Variants in EXOC6B observed in about 807,000 individuals in gnomAD.
The protein encoded by EXOC6B is SEC15 homolog B.
Under a neutral mutation model 113.5 loss-of-function variants are expected in EXOC6B, and 54 were observed. That is an observed-to-expected ratio of 0.48 (90% confidence interval 0.38 to 0.60). The LOEUF is 0.60. Among genes scored for constraint, EXOC6B ranks in the 20% least tolerant of loss-of-function variants. The pLI is 0.00. For synonymous variants in EXOC6B, 357 were observed against 339.0 expected (o/e 1.05, Z -0.58); for missense variants, 797 against 977.5 (o/e 0.82, Z 2.46).
intron 20 of EXOC6B, among the ~76,000 whole-genome samples, chr2:72,312,142 C>T (rs1335431881): frequency 1.3e-5 from 2 of 152,162 alleles, no homozygotes; most frequent in Admixed American, 1.3e-4. Context: ...ACATCTTGCT[C>T]CAGGCAATGG....
At chr2:72,436,580 G>A (rs1695885303) in intron 18 of EXOC6B, among the ~76,000 whole-genome samples, 1 of 151,828 alleles carries the variant, frequency 6.6e-6, no homozygotes, top group Non-Finnish European at 1.5e-5. Flanking sequence ...TGTATTTCTT[G>A]GAGACTTTGT....
At position 72,177,645 on chromosome 2, in the gene EXOC6B, G is replaced by A. The variant is rs576777121; in HGVS notation, c.*1690C>T. The A allele has an allele frequency of 1.3e-4, 20 of 152,248 alleles. No homozygotes were observed. Among genetic ancestry groups the A allele is most frequent in the African/African-American group, 4.6e-4 (19 of 41,536 alleles). The allele number at this position is 152,248 out of a possible 1,614,324, so 9.4% of individuals were successfully genotyped here. On this transcript the variant is annotated 3_prime_UTR_variant, in exon 22 of 22. Transcript: ENST00000272427. The stretch of plus-strand genomic sequence containing the variant: ...GGTCTCTCCAGCTTTGAGGAAATTT[G>A]TATGTCTGTGTGCACATCCTCTTCC...
chr2:72,278,237 G>A (rs946488316), intron 20 of EXOC6B, among the ~76,000 whole-genome samples: 1 of 152,128 alleles, frequency 6.6e-6, no homozygotes, highest in African/African-American at 2.4e-5. Flanking sequence ...GGGATCATAT[G>A]AGACTAGTCA....
At chr2:72,708,982 G>T (rs1217769082) in intron 6 of EXOC6B, among the ~76,000 whole-genome samples, 1 of 123,436 alleles carries the variant, frequency 8.1e-6, no homozygotes, top group Non-Finnish European at 1.6e-5. Context: ...GGCCTCAAGT[G>T]ATCTTCCCAC....
At chr2:72,643,235 C>A (rs1673405272) in intron 6 of EXOC6B, among the ~76,000 whole-genome samples, 1 of 151,746 alleles carries the variant, frequency 6.6e-6, no homozygotes, top group African/African-American at 2.4e-5. Flanking sequence ...ACTGGAAATA[C>A]CATTTGACCC....
At chr2:72,639,710 C>T (rs901548376) in intron 6 of EXOC6B, among the ~76,000 whole-genome samples, 1 of 152,202 alleles carries the variant, frequency 6.6e-6, no homozygotes, top group Non-Finnish European at 1.5e-5. Flanking sequence ...GAGCCCAATA[C>T]AAGTCCCCCA....
At chr2:72,284,392 G>T (rs1302121953) in intron 20 of EXOC6B, among the ~76,000 whole-genome samples, 1 of 151,870 alleles carries the variant, frequency 6.6e-6, no homozygotes, top group African/African-American at 2.4e-5. Context: ...CATATCAACA[G>T]ATACAGAAAA....
intron 2 of EXOC6B, among the ~76,000 whole-genome samples, chr2:72,736,790 C>A (rs1353176985): frequency 6.6e-6 from 1 of 152,110 alleles, no homozygotes; most frequent in African/African-American, 2.4e-5. Flanking sequence ...CTATCATGGA[C>A]CAGGGCACCA....
Position 72,760,337 on chromosome 2 carries a change from T to C in EXOC6B, c.114-18868A>G, listed in dbSNP as rs1682667012. Among the ~76,000 whole-genome samples, 9 of 152,316 alleles carry C rather than the reference T, an allele frequency of 5.9e-5. No homozygotes were observed. In the South Asian group the frequency reaches 1.9e-3, roughly 32 times the overall value. Reference sequence around the variant, plus strand: ...CTTTTAGGTTTCAAGACAGTGTTAGTTTACTGATGGTCACAGACTTAGAGG... The same window carrying C: ...CTTTTAGGTTTCAAGACAGTGTTAGCTTACTGATGGTCACAGACTTAGAGG... On this transcript the variant is annotated intron_variant, in intron 1 of 21. Coordinates refer to ENST00000272427, the MANE Select transcript of EXOC6B (RefSeq NM_015189.3).
At position 72,464,849 on chromosome 2, in the gene EXOC6B, TCTAA is replaced by T. The variant is rs543031386; in HGVS notation, c.1980+307_1980+310del. On this transcript the variant is annotated intron_variant, in intron 18 of 21. Coordinates refer to ENST00000272427, the MANE Select transcript of EXOC6B (RefSeq NM_015189.3). ...AAACTAAAATATACATATCTGAAATTCTAACTAAGTTTCTTTTTTTAATTCTACC... is the reference window on the plus strand; with the variant it reads ...AAACTAAAATATACATATCTGAAATTCTAAGTTTCTTTTTTTAATTCTACC... 782 of 338,320 alleles carry T rather than the reference TCTAA, an allele frequency of 2.3e-3. 11 individuals carry two copies. The highest frequency in any genetic ancestry group is 3.4e-4 in the Non-Finnish European group (65 of 189,618). The allele number at this position is 338,320 out of a possible 1,614,324, so 21.0% of individuals were successfully genotyped here. A position where few individuals can be genotyped will look rare whatever the true frequency, so the allele number is the denominator to read the frequency against.
At chr2:72,601,338 A>G (rs1183544957) in intron 6 of EXOC6B, among the ~76,000 whole-genome samples, 1 of 151,968 alleles carries the variant, frequency 6.6e-6, no homozygotes. Flanking sequence ...ACCCACCACC[A>G]TGCCCAGCTA....
At position 72,217,034 on chromosome 2, in the gene EXOC6B, CA is replaced by C. The variant is rs11442630; in HGVS notation, c.2197-32848del. 3.7e-3 allele frequency among the ~76,000 whole-genome samples: 443 copies of C among 119,906 alleles called. 2 individuals carry two copies. The highest frequency in any genetic ancestry group is 7.3e-3 in the African/African-American group (247 of 33,656). The allele number at this position is 119,906 out of a possible 152,430, so 78.7% of individuals were successfully genotyped here. ...CCATCCAGCCTGGGCGACTCCATAT[CA>C]AAAAAAAAAAAAAAAGTATAGTAAC... On this transcript the variant is annotated intron_variant, in intron 20 of 21. Transcript: ENST00000272427.
chr2:72,337,140 C>T (rs1332925668), intron 19 of EXOC6B, among the ~76,000 whole-genome samples: 1 of 151,994 alleles, frequency 6.6e-6, no homozygotes, highest in Non-Finnish European at 1.5e-5. Flanking sequence ...TATACAGGAG[C>T]TATTTGAGTT....
intron 6 of EXOC6B, among the ~76,000 whole-genome samples, chr2:72,626,612 C>A (rs1396328743): frequency 1.3e-5 from 2 of 152,090 alleles, no homozygotes; most frequent in African/African-American, 4.8e-5. Context: ...TATTTATATA[C>A]CATCATGTTA....
Position 72,178,704 on chromosome 2 carries a change from A to G in EXOC6B, c.*631T>C, listed in dbSNP as rs41413. On this transcript the variant is annotated 3_prime_UTR_variant, in exon 22 of 22. Coordinates refer to ENST00000272427, the MANE Select transcript of EXOC6B (RefSeq NM_015189.3). ...GTATCCTGCCCTAGAAAAAATTGCA[A>G]TAAAAGCCTGGGGTTAGATCAGGCT... 0.41 allele frequency: 61,983 copies of G among 151,864 alleles called. 14,752 individuals carry two copies. Among genetic ancestry groups the G allele is most frequent in the African/African-American group, 0.65 (27,017 of 41,344 alleles). 9.4% of individuals were successfully genotyped at this position (151,864 alleles called of 1,614,324 possible).
At chr2:72,417,102 G>A (rs1438320849) in intron 18 of EXOC6B, among the ~76,000 whole-genome samples, 1 of 151,810 alleles carries the variant, frequency 6.6e-6, no homozygotes, top group Non-Finnish European at 1.5e-5. Context: ...TTTTTTATCA[G>A]TCAGCTTATA....
intron 20 of EXOC6B, among the ~76,000 whole-genome samples, chr2:72,238,607 G>A (rs1682108261): frequency 6.6e-6 from 1 of 152,150 alleles, no homozygotes; most frequent in Non-Finnish European, 1.5e-5. Flanking sequence ...TAGTGTGTGT[G>A]TGATGGTATC....
chr2:72,276,412 C>T (rs2104650324), intron 20 of EXOC6B, among the ~76,000 whole-genome samples: 1 of 152,244 alleles, frequency 6.6e-6, no homozygotes, highest in South Asian at 2.1e-4. Context: ...GACAAGGGCT[C>T]TTTCTCTTAT....
intron 20 of EXOC6B, among the ~76,000 whole-genome samples, chr2:72,244,213 C>T (rs1331618093): frequency 6.6e-6 from 1 of 151,962 alleles, no homozygotes; most frequent in East Asian, 1.9e-4. Context: ...TCTAATAATG[C>T]CATAATGGAG....
Sources: gnomAD v4.1 joint callset for allele counts (sites outside exome capture counted in the v4.1 genomes callset) on GRCh38, gnomAD v4.1.1 for gene constraint, MANE v1.5 for transcripts, NCBI Gene and HGNC (gene_info 2026-07-23, HGNC 2026-07-21) for gene names.